The following GABRA2 variants were observed in gnomAD, a reference collection of about 807,000 sequenced individuals.
GABRA2 encodes the protein gamma-aminobutyric acid type A receptor subunit alpha2, also known as gamma-aminobutyric acid receptor subunit alpha-2.
GABRA2 carries 16 observed loss-of-function variants against 48.7 expected under a neutral mutation model. The ratio of observed to expected loss-of-function variants is 0.33; its 90% CI spans 0.22 to 0.50. The LOEUF (loss-of-function observed/expected upper bound fraction) is 0.50, where lower values mean the gene tolerates loss of function less well. Among genes scored for constraint, GABRA2 ranks in the 20% least tolerant of loss-of-function variants. The pLI, the probability that GABRA2 is intolerant of heterozygous loss-of-function variation, is 0.98. For missense variants in GABRA2, 275 were observed against 535.6 expected, an observed-to-expected ratio of 0.51 and a Z score of 4.80; for synonymous variants, 185 against 184.5, an observed-to-expected ratio of 1.00 and a Z score of -0.02.
intron 8 of GABRA2, among the ~76,000 whole-genome samples, chr4:46,290,186 C>G (rs28800541): frequency 0.39 from 58,927 of 151,354 alleles, 11,984 homozygotes; most frequent in East Asian, 0.5. Flanking sequence ...TTGCAGACGC[C>G]AGCCACCGCG....
intron 3 of GABRA2, 91 bp from the exon 4 acceptor site, chr4:46,332,773 T>C: frequency 1.3e-6 from 1 of 748,266 alleles, no homozygotes; most frequent in Admixed American, 2.5e-5. Context: ...GTTTGAAAGC[T>C]GTGTCACAAA....
At chr4:46,374,319 CA>C (rs1715365038) in intron 3 of GABRA2, among the ~76,000 whole-genome samples, 2 of 152,156 alleles carry the variant, frequency 1.3e-5, no homozygotes, top group Admixed American at 1.3e-4. Context: ...TAAACCCCTC[CA>C]GTTCAAGTCT....
At chr4:46,330,587 T>G (rs71609467) in intron 4 of GABRA2, among the ~76,000 whole-genome samples, 63,354 of 123,050 alleles carry the variant, frequency 0.51, 15,101 homozygotes, top group South Asian at 0.55. Context: ...TATATATATA[T>G]ATATAGAGAG....
intron 8 of GABRA2, among the ~76,000 whole-genome samples, chr4:46,270,942 T>C (rs923838425): frequency 1.3e-5 from 2 of 151,778 alleles, no homozygotes; most frequent in African/African-American, 2.4e-5. Flanking sequence ...TCCAATACTG[T>C]TGTTACTAAG....
chr4:46,331,816 C>T (rs991806947), intron 4 of GABRA2, among the ~76,000 whole-genome samples: 3 of 152,082 alleles, frequency 2.0e-5, no homozygotes, highest in Non-Finnish European at 4.4e-5. Context: ...ACTGCAACTT[C>T]GACCTCCTGG....
chr4:46,294,228 G>A (rs531977944), intron 8 of GABRA2, among the ~76,000 whole-genome samples: 1 of 152,320 alleles, frequency 6.6e-6, no homozygotes, highest in South Asian at 2.1e-4. Context: ...TATGCTGATT[G>A]CAACCAGCAA....
intron 8 of GABRA2, among the ~76,000 whole-genome samples, chr4:46,293,239 C>T (rs1368648352): frequency 3.3e-5 from 5 of 152,160 alleles, no homozygotes; most frequent in Non-Finnish European, 7.3e-5. Flanking sequence ...GTGCCTCAAT[C>T]AGTTTCCAGA....
chr4:46,252,288 A>G (rs2109383986), intron 9 of GABRA2, among the ~76,000 whole-genome samples: 1 of 151,650 alleles, frequency 6.6e-6, no homozygotes, highest in East Asian at 2.0e-4. Context: ...GCTACAAAAT[A>G]TCTCTTCTTC....
rs1444824447 is a variant in GABRA2, at chr4:46,249,028, C to CTGTGTGTGTGTGTGTGTGTGTG, written c.*1279_*1280insCACACACACACACACACACACA. 2 of 48,004 alleles carry CTGTGTGTGTGTGTGTGTGTGTG rather than the reference C, an allele frequency of 4.2e-5. No homozygotes were observed. Among genetic ancestry groups the CTGTGTGTGTGTGTGTGTGTGTG allele is most frequent in the African/African-American group, 7.4e-5 (1 of 13,582 alleles). 3.0% of individuals were successfully genotyped at this position (48,004 alleles called of 1,614,324 possible). A position where few individuals can be genotyped will look rare whatever the true frequency, so the allele number is the denominator to read the frequency against. On this transcript the variant is annotated 3_prime_UTR_variant, in exon 10 of 10. Transcript: ENST00000381620. ...TTTAAAATTGTGTTTTCTAATTTAG[C>CTGTGTGTGTGTGTGTGTGTGTG]TGTGTATGTGTGTGTGTGTGTGTGT...
Position 46,246,889 on chromosome 4 carries a change from A to G in GABRA2, c.*3419T>C, listed in dbSNP as rs1220801389. 6.0e-5 allele frequency among the ~76,000 whole-genome samples: 9 copies of G among 151,170 alleles called. No homozygotes were observed. Among genetic ancestry groups the G allele is most frequent in the Non-Finnish European group, 1.0e-4 (7 of 67,414 alleles). ...CTACTTCCTTTCTTCTTTCATTGGAATGATGACCGGCCATGCCAAAGAAAA... is the reference window on the plus strand; with the variant it reads ...CTACTTCCTTTCTTCTTTCATTGGAGTGATGACCGGCCATGCCAAAGAAAA... On this transcript the variant is annotated 3_prime_UTR_variant, in exon 10 of 10. Coordinates refer to ENST00000381620, the MANE Select transcript of GABRA2 (RefSeq NM_000807.4).
intron 8 of GABRA2, among the ~76,000 whole-genome samples, chr4:46,287,040 T>A (rs1248841516): frequency 6.6e-6 from 1 of 152,094 alleles, no homozygotes; most frequent in Non-Finnish European, 1.5e-5. Context: ...GTCATGAAGA[T>A]TTATCCTTAT....
chr4:46,352,015 C>G (rs1291255127), intron 3 of GABRA2, among the ~76,000 whole-genome samples: 5 of 150,828 alleles, frequency 3.3e-5, no homozygotes, highest in Admixed American at 1.3e-4. Flanking sequence ...TCCTGCCATT[C>G]CTGGTAGTCT....
chr4:46,366,155 G>A (rs1714003323), intron 3 of GABRA2: 1 of 151,946 alleles, frequency 6.6e-6, no homozygotes, highest in African/African-American at 2.4e-5. Flanking sequence ...ACACAGTAAG[G>A]GAGTAAAATC....
intron 8 of GABRA2, among the ~76,000 whole-genome samples, chr4:46,298,260 T>C (rs1725115313): frequency 6.6e-6 from 1 of 152,120 alleles, no homozygotes; most frequent in Non-Finnish European, 1.5e-5. Flanking sequence ...GTTTTCTTGT[T>C]TCCCAATTTT....
intron 8 of GABRA2, among the ~76,000 whole-genome samples, chr4:46,265,236 G>A (rs1164605517): frequency 6.0e-5 from 9 of 149,068 alleles, no homozygotes; most frequent in African/African-American, 9.8e-5. Flanking sequence ...GGGTTTTGTC[G>A]TATTGGCCTG....
At chr4:46,308,783 T>C (rs1486130803) in intron 6 of GABRA2, among the ~76,000 whole-genome samples, 2 of 152,192 alleles carry the variant, frequency 1.3e-5, no homozygotes, top group African/African-American at 4.8e-5. Context: ...ATTTAAATAT[T>C]TTCAAGTGTG....
At position 46,343,658 on chromosome 4, in the gene GABRA2, T is replaced by C. The variant is rs147216333; in HGVS notation, c.188-10976A>G. ...CTAACATGCACGCTTTGTAATTGTG[T>C]GAACTTGGACAATGAGTTTGATCTG... On this transcript the variant is annotated intron_variant, in intron 3 of 9. Transcript: ENST00000381620. Among the ~76,000 whole-genome samples the C allele has an allele frequency of 3.5e-3, 534 of 152,130 alleles. 1 individual carries two copies. Among genetic ancestry groups the C allele is most frequent in the African/African-American group, 0.012 (485 of 41,540 alleles).
At chr4:46,254,856 C>T (rs1715493493) in intron 9 of GABRA2, among the ~76,000 whole-genome samples, 1 of 151,510 alleles carries the variant, frequency 6.6e-6, no homozygotes. Context: ...CTCTCACTTC[C>T]TGCTGAAATC....
intron 8 of GABRA2, among the ~76,000 whole-genome samples, chr4:46,281,646 C>T (rs76134034): frequency 0.028 from 4,328 of 152,158 alleles, 103 homozygotes; most frequent in Non-Finnish European, 0.038. Context: ...GCAGACCTTG[C>T]CAGGATGATG....
Sources: allele counts gnomAD v4.1 joint callset (sites outside exome capture counted in the v4.1 genomes callset), GRCh38; gene constraint gnomAD v4.1.1; transcripts MANE v1.5; gene names NCBI Gene and HGNC (gene_info 2026-07-23, HGNC 2026-07-21).